The following ITGA1 variants were observed in gnomAD, a reference collection of about 807,000 sequenced individuals.
ITGA1 encodes the protein integrin alpha-1.
Under a neutral mutation model 145.9 loss-of-function variants are expected in ITGA1, and 85 were observed. That is an observed-to-expected ratio of 0.58 (90% CI 0.49 to 0.70). The LOEUF (loss-of-function observed/expected upper bound fraction) is 0.70. Ranked by LOEUF, ITGA1 falls within the 30% of genes least tolerant of loss-of-function variation. The pLI is 0.00. For synonymous variants in ITGA1, 520 were observed against 495.3 expected (o/e 1.05, Z -0.66); for missense variants, 1,351 against 1,418.7 (o/e 0.95, Z 0.77).
rs748903314 is a variant in ITGA1, at chr5:52,861,484, A to C, written c.220A>C (p.Asn74His). 6.2e-7 allele frequency: 1 copy of C among 1,613,856 alleles called. No individual in the cohort carries two copies. Among genetic ancestry groups the C allele is most frequent in the East Asian group, 2.2e-5 (1 of 44,880 alleles). ...IGSPLVGQPKNRTGDVYKCPV... is the reference protein window; with the variant it reads ...IGSPLVGQPKHRTGDVYKCPV... ...TTCTCCGTTAGTTGGCCAACCCAAA[A>C]ACAGAACTGGAGATGTCTATAAGTG... Residue 74 changes from asparagine to histidine, a missense_variant, in exon 3 of 29, where the codon AAC (asparagine) becomes CAC (histidine). Asn to His is a moderately conservative substitution (Grantham distance 68). Transcript: ENST00000282588.
chr5:52,908,846 C>T, intron 12 of ITGA1, 52 bp from the exon 13 acceptor site: 2 of 1,590,440 alleles, frequency 1.3e-6, no homozygotes, highest in East Asian at 2.3e-5. Flanking sequence ...TTTCAGTTTC[C>T]TTGAGAATTT....
chr5:52,903,592 C>T (rs1269530451), intron 11 of ITGA1: 1 of 152,120 alleles, frequency 6.6e-6, no homozygotes, highest in Non-Finnish European at 1.5e-5. Context: ...TCCTTTTTAA[C>T]ATTTTTGAAA....
rs1442057373 is a variant in ITGA1 at position 52,918,795 on chromosome 5, A to G, written c.2052A>G (p.Gln684=). The G allele has an allele frequency of 3.1e-6, 5 of 1,612,972 alleles. No individual in the cohort carries two copies. The East Asian group carries it at 8.9e-5, about 29-fold the overall frequency. The stretch of plus-strand genomic sequence containing the variant: ...TTGAGCCAAATAAAGTGAATATTCA[A>G]AAGAAAAACTGCCATATGGAGGGAA... The part of the protein sequence containing the change: ...MNFEPNKVNI[Q]KKNCHMEGKE... The change falls in exon 16 of 29, where the codon CAA becomes CAG. Residue 684 remains glutamine (Q), a synonymous_variant. Transcript: ENST00000282588.
intron 26 of ITGA1, among the ~76,000 whole-genome samples, chr5:52,940,256 TG>T (rs986604274): frequency 1.3e-5 from 2 of 152,154 alleles, no homozygotes; most frequent in Non-Finnish European, 2.9e-5. Context: ...CTTAATACTT[TG>T]GAACTCAGTT....
Position 52,918,872 on chromosome 5 carries a change from C to A in ITGA1, c.2129C>A (p.Ser710Tyr). The change falls in exon 16 of 29, where the codon TCT (serine) becomes TAT (tyrosine). Residue 710 changes from serine (S) to tyrosine (Y), a missense_variant. By Grantham distance (144) the Ser-to-Tyr change is moderately radical. Transcript: ENST00000282588. ...GTGTGTTTTGATGTGAAATTAAAGT[C>A]TAAAGAAGACACGATTTATGAAGCT... ...ATVCFDVKLK[S>Y]KEDTIYEADL... is the part of the protein sequence containing the mutation. The A allele has an allele frequency of 6.3e-7, 1 of 1,597,912 alleles. No homozygotes were observed. The highest frequency in any genetic ancestry group is 1.2e-5 in the South Asian group (1 of 86,794).
At chr5:52,798,308 C>T (rs1156597056) in intron 1 of ITGA1, among the ~76,000 whole-genome samples, 3 of 152,014 alleles carry the variant, frequency 2.0e-5, no homozygotes, top group Non-Finnish European at 4.4e-5. Context: ...GAGCGAGAAA[C>T]AAAGAGAAAA....
intron 26 of ITGA1, among the ~76,000 whole-genome samples, chr5:52,944,000 A>G (rs1486327653): frequency 6.6e-6 from 1 of 152,178 alleles, no homozygotes; most frequent in African/African-American, 2.4e-5. Flanking sequence ...TGGGGCAGTT[A>G]GGCAGGGACT....
At chr5:52,944,385 C>T (rs1490679980) in intron 26 of ITGA1, among the ~76,000 whole-genome samples, 6 of 152,172 alleles carry the variant, frequency 3.9e-5, no homozygotes. Flanking sequence ...CATTCAGGTA[C>T]CCTACGCAGG....
At chr5:52,874,251 C>G (rs754178998) in intron 6 of ITGA1, among the ~76,000 whole-genome samples, 1 of 152,070 alleles carries the variant, frequency 6.6e-6, no homozygotes, top group Non-Finnish European at 1.5e-5. Flanking sequence ...TTTGTAACAA[C>G]CTGTTCTCTT....
intron 2 of ITGA1, among the ~76,000 whole-genome samples, chr5:52,853,452 T>C (rs1428754899): frequency 6.6e-6 from 1 of 152,180 alleles, no homozygotes; most frequent in Non-Finnish European, 1.5e-5. Context: ...TCATAAGTCA[T>C]ATTTACTGCT....
At chr5:52,819,364 T>C (rs1403777155) in intron 1 of ITGA1, among the ~76,000 whole-genome samples, 1 of 152,350 alleles carries the variant, frequency 6.6e-6, no homozygotes, top group Non-Finnish European at 1.5e-5. Context: ...TGGTATCTCA[T>C]TGTGGTTTTG....
Position 52,958,643 on chromosome 5 carries a change from G to A in ITGA1, c.*6192G>A, listed in dbSNP as rs1024409854. 6 of 152,154 alleles carry A rather than the reference G, an allele frequency of 3.9e-5. No homozygotes were observed. The highest frequency in any genetic ancestry group is 2.1e-4 in the South Asian group (1 of 4,832). 9.4% of individuals were successfully genotyped at this position (152,154 alleles called of 1,614,324 possible). ...GCCTGTAAGGAGAATGGTATACTGC[G>A]TATTACTACTGTGAGACTGTAAAAT... On this transcript the variant is annotated 3_prime_UTR_variant, in exon 29 of 29. Coordinates refer to ENST00000282588, the MANE Select transcript of ITGA1 (RefSeq NM_181501.2).
intron 23 of ITGA1, 56 bp downstream of exon 23, chr5:52,934,052 T>C: frequency 1.6e-6 from 1 of 608,434 alleles, no homozygotes; most frequent in Non-Finnish European, 2.6e-6. Flanking sequence ...AATATATAAA[T>C]TAAAGTATTA....
chr5:52,923,977 A>G (rs1750767064), intron 18 of ITGA1, among the ~76,000 whole-genome samples: 1 of 152,122 alleles, frequency 6.6e-6, no homozygotes, highest in South Asian at 2.1e-4. Flanking sequence ...TAGAAATGAG[A>G]GAAAGGGACT....
chr5:52,794,618 A>G (rs975903506), intron 1 of ITGA1, among the ~76,000 whole-genome samples: 12 of 151,304 alleles, frequency 7.9e-5, no homozygotes, highest in African/African-American at 2.9e-4. Context: ...TTCCATCATG[A>G]GAAATTTAGA....
chr5:52,844,084 A>G (rs1027125119), intron 1 of ITGA1, among the ~76,000 whole-genome samples: 2 of 152,156 alleles, frequency 1.3e-5, no homozygotes, highest in African/African-American at 2.4e-5. Context: ...ATTTCTTTTT[A>G]TAAGAGATAT....
At chr5:52,925,147 T>C (rs1360932265) in intron 18 of ITGA1, 131 bp from the exon 19 acceptor site, 1 of 646,210 alleles carries the variant, frequency 1.5e-6, no homozygotes, top group East Asian at 2.7e-5. Flanking sequence ...TTAAGATTTT[T>C]GCAGGGAAAT....
intron 2 of ITGA1, among the ~76,000 whole-genome samples, chr5:52,856,275 C>T (rs1749509988): frequency 6.6e-6 from 1 of 152,144 alleles, no homozygotes; most frequent in African/African-American, 2.4e-5. Flanking sequence ...CCATATCTCC[C>T]TTTCCTTCTG....
Position 52,865,829 on chromosome 5 carries a change from T to C in ITGA1, c.624+12T>C, listed in dbSNP as rs753255719. ...CTAAACAGACACAGGTATGTGACTT[T>C]GTGTTTTGATTTCTGTTGTTCTAAA... On this transcript the variant is annotated intron_variant, in intron 6 of 28. Coordinates refer to ENST00000282588, the MANE Select transcript of ITGA1 (RefSeq NM_181501.2). 2 of 1,557,526 alleles carry C rather than the reference T, an allele frequency of 1.3e-6. No homozygotes were observed. The highest frequency in any genetic ancestry group is 2.4e-5 in the South Asian group (2 of 81,810).
Sources: allele counts gnomAD v4.1 joint callset (sites outside exome capture counted in the v4.1 genomes callset), GRCh38; gene constraint gnomAD v4.1.1; transcripts MANE v1.5; gene names NCBI Gene and HGNC (gene_info 2026-07-23, HGNC 2026-07-21).